TMEM266: variants seen among roughly 807,000 people sequenced by gnomAD.
TMEM266 encodes the protein Hv1 related protein 1.
In TMEM266, 33 loss-of-function variants were observed where a neutral mutation model predicts 50.5. The ratio of observed to expected loss-of-function variants is 0.65; its 90% confidence interval spans 0.50 to 0.87. The LOEUF (loss-of-function observed/expected upper bound fraction) is 0.87. Ranked by LOEUF, TMEM266 falls within the 40% of genes least tolerant of loss-of-function variation. The pLI is 0.00. For missense variants in TMEM266, 655 were observed against 695.1 expected, an observed-to-expected ratio of 0.94 and a Z score of 0.65; for synonymous variants, 310 against 292.3, an observed-to-expected ratio of 1.06 and a Z score of -0.62.
chr15:76,137,848 G>C lies in TMEM266; in HGVS notation c.180G>C (p.Ala60=). Residue 60 remains alanine, a synonymous_variant, in exon 3 of 11, where the codon GCG becomes GCC. Transcript: ENST00000388942. Reference sequence around the variant, plus strand: ...TGGCTGCTGTCGATCTCTCCACGGCGGGCTCGCAGCTCCTGTCAAATCTGG... The same window carrying C: ...TGGCTGCTGTCGATCTCTCCACGGCCGGCTCGCAGCTCCTGTCAAATCTGG... 6 of 1,604,554 alleles carry C rather than the reference G, an allele frequency of 3.7e-6. No individual in the cohort carries two copies. Among genetic ancestry groups the C allele is most frequent in the Non-Finnish European group, 5.1e-6 (6 of 1,175,542 alleles).
intron 1 of TMEM266, among the ~76,000 whole-genome samples, chr15:76,108,668 A>G (rs1468231514): frequency 6.6e-6 from 1 of 152,184 alleles, no homozygotes; most frequent in Non-Finnish European, 1.5e-5. Flanking sequence ...TGCACCTGGG[A>G]ACCAAGAGAA....
Position 76,200,606 on chromosome 15 carries a change from G to A in TMEM266, c.959-1596G>A, listed in dbSNP as rs904911178. Among the ~76,000 whole-genome samples, 16 of 152,306 alleles carry A rather than the reference G, an allele frequency of 1.1e-4. No homozygotes were observed. In the East Asian group the frequency reaches 2.9e-3, roughly 28 times the overall value. On this transcript the variant is annotated intron_variant, in intron 9 of 10. Coordinates refer to ENST00000388942, the MANE Select transcript of TMEM266 (RefSeq NM_152335.3). ...TCACATGGCCCTCTGGAGTCCCTGC[G>A]GGTGTGGTCTCAGGATAAAACCAAG...
intron 6 of TMEM266, 144 bp downstream of exon 6, chr15:76,170,016 TG>T: frequency 1.4e-6 from 1 of 730,684 alleles, no homozygotes; most frequent in Non-Finnish European, 2.3e-6. Flanking sequence ...GCATGTTGGG[TG>T]GGGCAGGGAG....
chr15:76,075,245 G>T (rs2036588777), intron 1 of TMEM266, among the ~76,000 whole-genome samples: 1 of 152,112 alleles, frequency 6.6e-6, no homozygotes, highest in East Asian at 1.9e-4. Flanking sequence ...GGGAGAGAAG[G>T]TAGATGGAGA....
intron 9 of TMEM266, among the ~76,000 whole-genome samples, chr15:76,193,021 CAGGCTGAGCAGCTGGGG>C (rs1430869306): frequency 3.3e-5 from 5 of 152,202 alleles, no homozygotes; most frequent in Non-Finnish European, 5.9e-5. Flanking sequence ...CGCAGCCGGG[CAGGCTGAGCAGCTGGGG>C]AGGCAAGAGG....
intron 7 of TMEM266, chr15:76,174,913 C>T (rs1192302218): frequency 2.0e-5 from 3 of 152,362 alleles, no homozygotes; most frequent in Admixed American, 2.0e-4. Context: ...TTTATTCACG[C>T]ATTCATCGGC....
At chr15:76,182,390 A>C (rs1171607307) in intron 8 of TMEM266, among the ~76,000 whole-genome samples, 1 of 152,062 alleles carries the variant, frequency 6.6e-6, no homozygotes, top group Non-Finnish European at 1.5e-5. Context: ...TAATCCTAGC[A>C]CTTTGGGAGG....
chr15:76,086,058 A>AG, intron 1 of TMEM266, among the ~76,000 whole-genome samples: 1 of 151,956 alleles, frequency 6.6e-6, no homozygotes, highest in African/African-American at 2.4e-5. Context: ...CAAAAGAAAA[A>AG]AAAAAAAAGA....
intron 1 of TMEM266, among the ~76,000 whole-genome samples, chr15:76,095,899 C>T (rs1358383509): frequency 2.6e-5 from 4 of 151,992 alleles, no homozygotes; most frequent in African/African-American, 4.8e-5. Flanking sequence ...AGTTTATTTG[C>T]GTAGAGGTAT....
At chr15:76,108,443 G>A (rs1206905347) in intron 1 of TMEM266, among the ~76,000 whole-genome samples, 3 of 152,218 alleles carry the variant, frequency 2.0e-5, no homozygotes, top group Non-Finnish European at 2.9e-5. Flanking sequence ...AAACTGTAAC[G>A]TCTTATAAAT....
chr15:76,191,364 C>T (rs2038564594), intron 8 of TMEM266: 1 of 152,276 alleles, frequency 6.6e-6, no homozygotes, highest in Admixed American at 6.5e-5. Flanking sequence ...CCCCATTTTA[C>T]AGAAAAGGAA....
At chr15:76,075,676 C>T (rs956175334) in intron 1 of TMEM266, among the ~76,000 whole-genome samples, 1 of 151,844 alleles carries the variant, frequency 6.6e-6, no homozygotes, top group Non-Finnish European at 1.5e-5. Flanking sequence ...ATGAATCACA[C>T]CACAGCCCTT....
At chr15:76,084,725 C>A (rs181547556) in intron 1 of TMEM266, among the ~76,000 whole-genome samples, 80 of 151,386 alleles carry the variant, frequency 5.3e-4, no homozygotes, top group Admixed American at 4.8e-3. Flanking sequence ...CTCAACCTCC[C>A]GAGTAGCTGG....
At chr15:76,116,983 T>A (rs2037259779) in intron 1 of TMEM266, among the ~76,000 whole-genome samples, 1 of 147,486 alleles carries the variant, frequency 6.8e-6, no homozygotes, top group Non-Finnish European at 1.5e-5. Context: ...CACTGCAACC[T>A]CCACCTCCCG....
chr15:76,204,414 C>G lies in TMEM266; in HGVS notation c.*99C>G. 8.3e-7 allele frequency: 1 copy of G among 1,210,522 alleles called. No homozygotes were observed. The highest frequency in any genetic ancestry group is 1.1e-6 in the Non-Finnish European group (1 of 871,240). 75.0% of individuals were successfully genotyped at this position (1,210,522 alleles called of 1,614,324 possible). On this transcript the variant is annotated 3_prime_UTR_variant, in exon 11 of 11. Coordinates refer to ENST00000388942, the MANE Select transcript of TMEM266 (RefSeq NM_152335.3). ...AGGGCCACACGCGGGGCCCAGGAGC[C>G]CACCTGGCCTCCCTCAGGGTGCTGC...
intron 2 of TMEM266, among the ~76,000 whole-genome samples, chr15:76,135,399 T>C (rs1435772608): frequency 6.6e-6 from 1 of 152,176 alleles, no homozygotes; most frequent in African/African-American, 2.4e-5. Context: ...GGACCACTGA[T>C]GGAAGGGGAA....
At position 76,202,280 on chromosome 15, in the gene TMEM266, G is replaced by A. The variant is rs754618712; in HGVS notation, c.1021+16G>A. 1 of 1,609,852 alleles carries A rather than the reference G, an allele frequency of 6.2e-7. No homozygotes were observed. Among genetic ancestry groups the A allele is most frequent in the Non-Finnish European group, 8.5e-7 (1 of 1,177,360 alleles). On this transcript the variant is annotated intron_variant, in intron 10 of 10. Coordinates refer to ENST00000388942, the MANE Select transcript of TMEM266 (RefSeq NM_152335.3). ...CCCAGCAGTGGTAAGTCTGGGTTGG[G>A]GCTGTTCTACATGTGCCACAACCCC...
chr15:76,191,919 C>G (rs780586907), intron 8 of TMEM266, 49 bp from the exon 9 acceptor site: 20 of 1,508,054 alleles, frequency 1.3e-5, no homozygotes, highest in Admixed American at 1.3e-4. Flanking sequence ...GCTGGAGGCC[C>G]CCGCCGGCCC....
intron 1 of TMEM266, among the ~76,000 whole-genome samples, chr15:76,069,653 T>C (rs1314410013): frequency 2.0e-5 from 3 of 152,164 alleles, no homozygotes; most frequent in Admixed American, 2.0e-4. Context: ...ACCCCATCTC[T>C]ACTAAATACA....
Sources: allele counts gnomAD v4.1 joint callset (sites outside exome capture counted in the v4.1 genomes callset), GRCh38; gene constraint gnomAD v4.1.1; transcripts MANE v1.5; gene names NCBI Gene and HGNC (gene_info 2026-07-23, HGNC 2026-07-21).